The following TAP2 variants were observed in gnomAD, a reference collection of about 807,000 sequenced individuals.
TAP2 encodes antigen peptide transporter 2.
In TAP2, 49 loss-of-function variants were observed where a neutral mutation model predicts 74.7. The ratio of observed to expected loss-of-function variants is 0.66; its 90% CI spans 0.52 to 0.83. The LOEUF is 0.83. Ranked by LOEUF, TAP2 falls within the 40% of genes least tolerant of loss-of-function variation. The pLI is 0.00. For missense variants in TAP2, 739 were observed against 859.0 expected, an observed-to-expected ratio of 0.86 and a Z score of 1.75; for synonymous variants, 306 against 368.4, an observed-to-expected ratio of 0.83 and a Z score of 1.94.
At chr6:32,833,997 G>T (rs1769254962) in intron 5 of TAP2, among the ~76,000 whole-genome samples, 1 of 152,174 alleles carries the variant, frequency 6.6e-6, no homozygotes, top group South Asian at 2.1e-4. Context: ...ACATGGAACT[G>T]TAAGTCCAAT....
Position 32,827,706 on chromosome 6 carries a change from A to G in TAP2, c.*1200T>C. 1 of 954,450 alleles carries G rather than the reference A, an allele frequency of 1.0e-6. No individual in the cohort carries two copies. The highest frequency in any genetic ancestry group is 1.2e-6 in the Non-Finnish European group (1 of 802,330). The allele number at this position is 954,450 out of a possible 1,614,324, so 59.1% of individuals were successfully genotyped here. ...TTGTCGTGGAGCTGGATACAACAGG[A>G]GAGGGTGAGACAGATGGGCTGGAAC... is the stretch of plus-strand genomic sequence containing the variant. On this transcript the variant is annotated 3_prime_UTR_variant, in exon 12 of 12. Coordinates refer to ENST00000374897, the MANE Select transcript of TAP2 (RefSeq NM_001290043.2).
intron 11 of TAP2, 41 bp from the exon 12 acceptor site, chr6:32,829,075 G>A: frequency 6.5e-7 from 1 of 1,528,088 alleles, no homozygotes; most frequent in East Asian, 2.5e-5. Flanking sequence ...ACAGGAATGA[G>A]ATGGACACCA....
At position 32,830,626 on chromosome 6, in the gene TAP2, C is replaced by T; in HGVS notation, c.1453G>A (p.Val485Met). The T allele has an allele frequency of 1.9e-6, 3 of 1,613,096 alleles. No homozygotes were observed. Among genetic ancestry groups the T allele is most frequent in the Non-Finnish European group, 2.5e-6 (3 of 1,180,042 alleles). The change falls in exon 8 of 12, where the codon GTG becomes ATG. Residue 485 changes from valine to methionine, a missense_variant. Val to Met is a conservative substitution (Grantham distance 21). Coordinates refer to ENST00000374897, the MANE Select transcript of TAP2 (RefSeq NM_001290043.2). ...CTCCCTCTTTCAGGCACCTTGAGCACAGGCCTGTCAGGGCGATTGGGATAT... is the reference window on the plus strand; with the variant it reads ...CTCCCTCTTTCAGGCACCTTGAGCATAGGCCTGTCAGGGCGATTGGGATAT... ...FAYPNRPDRPVLKGLTFTLRP... is the reference protein window; with the variant it reads ...FAYPNRPDRPMLKGLTFTLRP...
At position 32,827,973 on chromosome 6, in the gene TAP2, G is replaced by C; in HGVS notation, c.*933C>G. 1 of 985,334 alleles carries C rather than the reference G, an allele frequency of 1.0e-6. No individual in the cohort carries two copies. Among genetic ancestry groups the C allele is most frequent in the Non-Finnish European group, 1.2e-6 (1 of 829,844 alleles). The allele number at this position is 985,334 out of a possible 1,614,324, so 61.0% of individuals were successfully genotyped here. The stretch of plus-strand genomic sequence containing the variant: ...TAGATTCTGAATTATTTAGAGCTAA[G>C]AGCAGCAGAGCTTTTCTTGATGGGA... On this transcript the variant is annotated 3_prime_UTR_variant, in exon 12 of 12. Coordinates refer to ENST00000374897, the MANE Select transcript of TAP2 (RefSeq NM_001290043.2).
chr6:32,831,335 G>A (rs1769064103), intron 7 of TAP2, among the ~76,000 whole-genome samples: 2 of 152,304 alleles, frequency 1.3e-5, no homozygotes, highest in African/African-American at 4.8e-5. Context: ...TAATGAAATG[G>A]TAGATGAGGG....
In TAP2 at chr6:32,835,710, C is replaced by G. The variant is rs776829392; in HGVS notation, c.672G>C (p.Arg224=). The G allele has an allele frequency of 3.2e-5, 52 of 1,612,970 alleles. No homozygotes were observed. Among genetic ancestry groups the G allele is most frequent in the Non-Finnish European group, 4.3e-5 (51 of 1,180,046 alleles). ...GGGAGGAGAAAAGCTGCTCCCGGAT[C>G]CGCAAGTTGATTCGAGACATGGTGT... The part of the protein sequence containing the change: ...FTYTMSRINL[R]IREQLFSSLL... Residue 224 remains arginine, a synonymous_variant, in exon 4 of 12, where the codon CGG becomes CGC. Coordinates refer to ENST00000374897, the MANE Select transcript of TAP2 (RefSeq NM_001290043.2). This position sits in a 1 kb window ranked among gnomAD's most constrained non-coding sequence, Gnocchi z 4.0.
At position 32,826,076 on chromosome 6, in the gene TAP2, AG is replaced by A. The variant is rs1452299575; in HGVS notation, c.*2829del. On this transcript the variant is annotated 3_prime_UTR_variant, in exon 12 of 12. Coordinates refer to ENST00000374897, the MANE Select transcript of TAP2 (RefSeq NM_001290043.2). ...CCATTAGATGGCATCAGACTCAAGC[AG>A]GTGCTCCTCTAGCTGACAGCTCTAA... 5 of 985,364 alleles carry A rather than the reference AG, an allele frequency of 5.1e-6. No homozygotes were observed. In the African/African-American group the frequency reaches 8.7e-5, roughly 17 times the overall value. The allele number at this position is 985,364 out of a possible 1,614,324, so 61.0% of individuals were successfully genotyped here.
downstream of TAP2, among the ~76,000 whole-genome samples, chr6:32,822,917 C>CTT (rs3041453): frequency 3.1e-4 from 34 of 109,992 alleles, no homozygotes; most frequent in Non-Finnish European, 4.0e-4. Flanking sequence ...TGTGTTCATA[C>CTT]TTTTTTTTTT....
At chr6:32,830,203 T>A in intron 9 of TAP2, 64 bp downstream of exon 9, 1 of 1,612,682 alleles carries the variant, frequency 6.2e-7, no homozygotes. Flanking sequence ...TTCCCGTGGA[T>A]CTCCCATCCT....
rs41316548 is a variant in TAP2, at chr6:32,829,390, C to T, written c.1932+10G>A. On this transcript the variant is annotated intron_variant, in intron 11 of 11. Coordinates refer to ENST00000374897, the MANE Select transcript of TAP2 (RefSeq NM_001290043.2). ...GGCCCCACTGTCCCCTGCCCTCTCACGGTACTCACGGCCTGCTCGCACTGC... is the reference window on the plus strand; with the variant it reads ...GGCCCCACTGTCCCCTGCCCTCTCATGGTACTCACGGCCTGCTCGCACTGC... 0.047 allele frequency: 74,876 copies of T among 1,587,030 alleles called. 2,127 individuals carry two copies. The highest frequency in any genetic ancestry group is 0.055 in the Non-Finnish European group (64,095 of 1,166,026).
intron 10 of TAP2, 34 bp from the exon 11 acceptor site, chr6:32,829,570 A>T: frequency 6.2e-7 from 1 of 1,613,668 alleles, no homozygotes; most frequent in East Asian, 2.2e-5. Context: ...TTCCTCAGAT[A>T]CAAGTGACAC....
Position 32,830,769 on chromosome 6 carries a change from A to G in TAP2, c.1310T>C (p.Val437Ala), listed in dbSNP as rs761943822. 1 of 1,612,650 alleles carries G rather than the reference A, an allele frequency of 6.2e-7. No individual in the cohort carries two copies. The highest frequency in any genetic ancestry group is 1.3e-5 in the African/African-American group (1 of 74,996). The change falls in exon 8 of 12, where the codon GTG becomes GCG. Residue 437 changes from valine to alanine, a missense_variant. Val to Ala is a moderately conservative substitution (Grantham distance 64). Transcript: ENST00000374897. ...VYIYGDMLSN[V>A]GAAEKVFSYM... ...GGAGAAAACCTTCTCTGCAGCTCCC[A>G]CGTTGCTGAGCATATCCCCATATAT...
At chr6:32,829,799 G>A in intron 10 of TAP2, 131 bp downstream of exon 10, 3 of 1,283,154 alleles carry the variant, frequency 2.3e-6, no homozygotes, top group African/African-American at 1.4e-5. Flanking sequence ...TGGGGAAGGA[G>A]ACGTAGGAAT....
In TAP2 at chr6:32,826,266, G is replaced by A. The variant is rs1768643671; in HGVS notation, c.*2640C>T. ...GAAACTCAATGCTGTTTCCACATAG[G>A]GCCGGGCAGACAGGCTATGGAGGTG... On this transcript the variant is annotated 3_prime_UTR_variant, in exon 12 of 12. Coordinates refer to ENST00000374897, the MANE Select transcript of TAP2 (RefSeq NM_001290043.2). 1.0e-6 allele frequency: 1 copy of A among 985,286 alleles called. No individual in the cohort carries two copies. The highest frequency in any genetic ancestry group is 1.2e-6 in the Non-Finnish European group (1 of 829,950). 61.0% of individuals were successfully genotyped at this position (985,286 alleles called of 1,614,324 possible). A position where few individuals can be genotyped will look rare whatever the true frequency, so the allele number is the denominator to read the frequency against.
At chr6:32,825,386 G>A (rs995988397), downstream of TAP2, 6 of 152,032 alleles carry the variant, frequency 3.9e-5, no homozygotes, top group Non-Finnish European at 7.4e-5. Context: ...AAGGAAACAG[G>A]ATAAATGAAA....
chr6:32,829,005 G>C lies in TAP2; in HGVS notation c.1962C>G (p.Arg654=). 6.4e-7 allele frequency: 1 copy of C among 1,551,606 alleles called. No individual in the cohort carries two copies. Among genetic ancestry groups the C allele is most frequent in the South Asian group, 1.2e-5 (1 of 84,212 alleles). The stretch of plus-strand genomic sequence containing the variant: ...GCCTGTGAGCAATCACCAGCACTGT[G>C]CGATCCCCACGGGAATTCCAGTCCT... The part of the protein sequence containing the change: ...ALQDWNSRGD[R]TVLVIAHRLQ... The change falls in exon 12 of 12, where the codon CGC becomes CGG. Residue 654 remains arginine, a synonymous_variant. Transcript: ENST00000374897.
chr6:32,826,368 G>A lies in TAP2; in HGVS notation c.*2538C>T, dbSNP rs1368795231. The A allele has an allele frequency of 2.0e-6, 2 of 985,260 alleles. No homozygotes were observed. Among genetic ancestry groups the A allele is most frequent in the African/African-American group, 1.7e-5 (1 of 57,196 alleles). The allele number at this position is 985,260 out of a possible 1,614,324, so 61.0% of individuals were successfully genotyped here. Reference sequence around the variant, plus strand: ...CATACTTTCCTTTAGAAAGAATAAGGCATGCCTGGGTGGGAAAGATACTGC... The same window carrying A: ...CATACTTTCCTTTAGAAAGAATAAGACATGCCTGGGTGGGAAAGATACTGC... On this transcript the variant is annotated 3_prime_UTR_variant, in exon 12 of 12. Transcript: ENST00000374897.
At chr6:32,837,255 A>G (rs751501079) in intron 3 of TAP2, among the ~76,000 whole-genome samples, 5 of 152,176 alleles carry the variant, frequency 3.3e-5, no homozygotes, top group Non-Finnish European at 5.9e-5. Context: ...GTTGAGAGAC[A>G]ACTGAGAGAC....
downstream of TAP2, among the ~76,000 whole-genome samples, chr6:32,824,388 C>A (rs1258841592): frequency 6.6e-6 from 1 of 151,980 alleles, no homozygotes. Flanking sequence ...TATCTTATAT[C>A]TGGTTTTGAT....
Sources: allele counts gnomAD v4.1 joint callset (sites outside exome capture counted in the v4.1 genomes callset), GRCh38; gene constraint gnomAD v4.1.1; non-coding constraint Gnocchi (gnomAD v3.1); transcripts MANE v1.5; gene names NCBI Gene and HGNC (gene_info 2026-07-23, HGNC 2026-07-21).